The following OSBPL9 variants were observed in gnomAD, a reference collection of about 807,000 sequenced individuals.
OSBPL9 encodes oxysterol-binding protein-related protein 9.
Under a neutral mutation model 106.6 loss-of-function variants are expected in OSBPL9, and 40 were observed. The ratio of observed to expected loss-of-function variants is 0.38; its 90% CI spans 0.29 to 0.49. OSBPL9 has a LOEUF of 0.49. OSBPL9 is among the 20% of genes least tolerant of loss of function. OSBPL9 has a pLI of 0.97. For missense variants in OSBPL9, 609 were observed against 887.2 expected, an observed-to-expected ratio of 0.69 and a Z score of 3.98; for synonymous variants, 269 against 295.4, an observed-to-expected ratio of 0.91 and a Z score of 0.92.
chr1:51,615,135 C>T (rs571631515), upstream of OSBPL9, among the ~76,000 whole-genome samples: 14 of 152,312 alleles, frequency 9.2e-5, no homozygotes, highest in Admixed American at 9.1e-4. Flanking sequence ...GCCTGTAATC[C>T]CAGCTACTTG....
chr1:51,615,457 T>C (rs192152707), upstream of OSBPL9, among the ~76,000 whole-genome samples: 617 of 152,302 alleles, frequency 4.1e-3, 5 homozygotes, highest in African/African-American at 0.014. Context: ...TTTCTTTCTT[T>C]TTTTGTATTT....
At chr1:51,658,352 A>T (rs762343946) in intron 2 of OSBPL9, among the ~76,000 whole-genome samples, 40 of 151,996 alleles carry the variant, frequency 2.6e-4, no homozygotes, top group Non-Finnish European at 5.1e-4. Context: ...GCTTAATAGG[A>T]TCTAAATGAA....
At chr1:51,520,251 A>G in the OSBPL9 span, among the ~76,000 whole-genome samples, 1 of 152,184 alleles carries the variant, frequency 6.6e-6, no homozygotes. Context: ...TGCTCAGTAA[A>G]GGCCTTCGTT....
intron 2 of OSBPL9, among the ~76,000 whole-genome samples, chr1:51,665,528 T>C (rs983964580): frequency 6.6e-6 from 1 of 152,142 alleles, no homozygotes; most frequent in African/African-American, 2.4e-5. Context: ...TATTGGACAG[T>C]GTGGATGTAG....
chr1:51,598,128 A>T (rs946117263), exon 2 of OSBPL9: 3 of 152,274 alleles, frequency 2.0e-5, no homozygotes, highest in African/African-American at 7.2e-5. Flanking sequence ...TTACAGAAGA[A>T]GGAACTGAGT....
chr1:51,717,073 C>T (rs115419515), intron 4 of OSBPL9, among the ~76,000 whole-genome samples: 6,082 of 152,108 alleles, frequency 0.04, 299 homozygotes, highest in East Asian at 0.11. Flanking sequence ...TCAAGTGATC[C>T]TCCCACCTCA....
intron 4 of OSBPL9, among the ~76,000 whole-genome samples, chr1:51,743,653 T>C (rs1408225440): frequency 6.6e-6 from 1 of 152,202 alleles, no homozygotes; most frequent in African/African-American, 2.4e-5. Flanking sequence ...TGTATTTAGC[T>C]GATTTTAACT....
the OSBPL9 span, among the ~76,000 whole-genome samples, chr1:51,522,840 G>A: frequency 2.0e-5 from 3 of 152,096 alleles, no homozygotes; most frequent in African/African-American, 7.2e-5. Flanking sequence ...AGACTGGCCT[G>A]GAATAGATGT....
At chr1:51,580,821 AC>A in intron 1 of OSBPL9, among the ~76,000 whole-genome samples, 1 of 145,196 alleles carries the variant, frequency 6.9e-6, no homozygotes. Flanking sequence ...GGCAGTAAAA[AC>A]ATCCATGATA....
rs772700811 is a variant in OSBPL9, at chr1:51,772,132, A to G, written c.1001A>G (p.Asp334Gly). The change falls in exon 13 of 24, where the codon GAT becomes GGT. Residue 334 changes from aspartate to glycine, a missense_variant. This residue lies in a region of OSBPL9 where 356 missense variants were observed against 505.8 expected (regional missense o/e 0.70). Transcript: ENST00000428468. ...SSSGNSLKRP[D>G]TTESLNSSLS... Reference sequence around the variant, plus strand: ...TCGGGAAATAGTCTAAAACGCCCAGATACCACAGAATCACTTAATTCTTCC... The same window carrying G: ...TCGGGAAATAGTCTAAAACGCCCAGGTACCACAGAATCACTTAATTCTTCC... 9.9e-6 allele frequency: 16 copies of G among 1,613,974 alleles called. No homozygotes were observed. In the East Asian group the frequency reaches 2.4e-4, roughly 25 times the overall value.
chr1:51,519,383 G>A, the OSBPL9 span: 4 of 252,442 alleles, frequency 1.6e-5, no homozygotes, highest in East Asian at 1.8e-4. Context: ...CGCCCGCCCC[G>A]CCCCGCCTGG....
At chr1:51,772,271 GGAGA>G in intron 13 of OSBPL9, 89 bp downstream of exon 13, 1 of 1,074,488 alleles carries the variant, frequency 9.3e-7, no homozygotes, top group African/African-American at 1.6e-5. Flanking sequence ...CAGCACTTTG[GGAGA>G]CCGAGGTGGG....
chr1:51,735,248 G>A (rs907112702), intron 4 of OSBPL9, among the ~76,000 whole-genome samples: 2 of 152,186 alleles, frequency 1.3e-5, no homozygotes, highest in East Asian at 1.9e-4. Flanking sequence ...TCCACTGGCC[G>A]GTGGGAACCT....
chr1:51,679,874 T>C (rs982733538), intron 3 of OSBPL9, among the ~76,000 whole-genome samples: 2 of 152,232 alleles, frequency 1.3e-5, no homozygotes, highest in Non-Finnish European at 2.9e-5. Context: ...TTAATCTTAC[T>C]GTGCCTTATT....
chr1:51,671,958 C>T (rs1483100185), intron 3 of OSBPL9, among the ~76,000 whole-genome samples: 1 of 152,058 alleles, frequency 6.6e-6, no homozygotes, highest in Non-Finnish European at 1.5e-5. Context: ...AGTTTATACT[C>T]ATATATTTGA....
At position 51,729,473 on chromosome 1, in the gene OSBPL9, G is replaced by C. The variant is rs1224023667; in HGVS notation, c.318+15394G>C. 6.6e-6 allele frequency: 1 copy of C among 152,634 alleles called. No individual in the cohort carries two copies. Among genetic ancestry groups the C allele is most frequent in the Non-Finnish European group, 1.5e-5 (1 of 68,392 alleles). The allele number at this position is 152,634 out of a possible 1,614,324, so 9.5% of individuals were successfully genotyped here. A position where few individuals can be genotyped will look rare whatever the true frequency, so the allele number is the denominator to read the frequency against. On this transcript the variant is annotated intron_variant, in intron 4 of 23. Transcript: ENST00000428468. This position sits in a 1 kb window ranked among gnomAD's most constrained non-coding sequence, Gnocchi z 5.1. Reference sequence around the variant, plus strand: ...CCGAAACCAGGCTGAGCGTCCCAGAGCGCAACCTCCCTTTCCCCCAGCAGC... The same window carrying C: ...CCGAAACCAGGCTGAGCGTCCCAGACCGCAACCTCCCTTTCCCCCAGCAGC...
the OSBPL9 span, among the ~76,000 whole-genome samples, chr1:51,537,027 C>G: frequency 6.6e-6 from 1 of 152,202 alleles, no homozygotes; most frequent in Non-Finnish European, 1.5e-5. Context: ...GGTTTCAACA[C>G]TCATTGATAA....
At chr1:51,755,737 T>C (rs1352428722) in intron 8 of OSBPL9, among the ~76,000 whole-genome samples, 3 of 152,236 alleles carry the variant, frequency 2.0e-5, no homozygotes, top group Non-Finnish European at 2.9e-5. Flanking sequence ...GTAGGTTAGA[T>C]GAATTAAATG....
the OSBPL9 span, among the ~76,000 whole-genome samples, chr1:51,571,599 T>G: frequency 0.16 from 24,013 of 151,916 alleles, 3,657 homozygotes; most frequent in African/African-American, 0.4. Flanking sequence ...CCCAGGAGTT[T>G]GAGGCTGCAG....
Sources: gnomAD v4.1 joint callset for allele counts (sites outside exome capture counted in the v4.1 genomes callset) on GRCh38, gnomAD v4.1.1 for gene constraint, gnomAD v4.1.1 regional missense constraint, Gnocchi (gnomAD v3.1) non-coding constraint, MANE v1.5 for transcripts, NCBI Gene and HGNC (gene_info 2026-07-23, HGNC 2026-07-21) for gene names.